Variants in SV2C observed in about 807,000 individuals in gnomAD.
SV2C encodes the protein solute carrier family 22 member B3.
In SV2C, 49 loss-of-function variants were observed where a neutral mutation model predicts 79.7. That is an observed-to-expected ratio of 0.61 (90% CI 0.49 to 0.78). The LOEUF is 0.78. Among genes scored for constraint, SV2C ranks in the 30% least tolerant of loss-of-function variants. The pLI, the probability that SV2C is intolerant of heterozygous loss-of-function variation, is 0.00. For missense variants in SV2C, 833 were observed against 912.9 expected (o/e 0.91, Z 1.13); for synonymous variants, 334 against 333.2 (o/e 1.00, Z -0.03).
chr5:76,030,481 G>C, the SV2C span, among the ~76,000 whole-genome samples: 1 of 151,892 alleles, frequency 6.6e-6, no homozygotes, highest in East Asian at 1.9e-4. Context: ...TGCCATCTGG[G>C]AACTATTACC....
At chr5:75,876,951 T>C in the SV2C span, among the ~76,000 whole-genome samples, 1 of 152,024 alleles carries the variant, frequency 6.6e-6, no homozygotes, top group Non-Finnish European at 1.5e-5. Flanking sequence ...TCTATATCAA[T>C]AACAACATTA....
the SV2C span, chr5:75,921,367 G>A: frequency 5.5e-6 from 5 of 917,388 alleles, no homozygotes; most frequent in Non-Finnish European, 5.5e-6. Context: ...CCTTTGGGGG[G>A]TGCTGGTAGG....
chr5:75,883,352 A>C, the SV2C span, among the ~76,000 whole-genome samples: 1 of 145,176 alleles, frequency 6.9e-6, no homozygotes, highest in Admixed American at 6.8e-5. Flanking sequence ...TATATACCCA[A>C]AGGACTATAA....
intron 4 of SV2C, among the ~76,000 whole-genome samples, chr5:76,279,317 G>T (rs1289568209): frequency 1.3e-5 from 2 of 152,196 alleles, no homozygotes; most frequent in African/African-American, 4.8e-5. Context: ...TGGCATGCAG[G>T]TGGCACTTAC....
In SV2C at chr5:76,131,262, G is replaced by A. The variant is rs139861657; in HGVS notation, c.-101-388G>A. On this transcript the variant is annotated intron_variant, in intron 1 of 12. Transcript: ENST00000502798. Reference sequence around the variant, plus strand: ...TGGTTTGTCTTTGCAATATTTGTACGTGTCTGTGAGCAATACTATTTTTCT... The same window carrying A: ...TGGTTTGTCTTTGCAATATTTGTACATGTCTGTGAGCAATACTATTTTTCT... Among the ~76,000 whole-genome samples the A allele has an allele frequency of 2.1e-3, 323 of 152,258 alleles. 2 individuals are homozygous for A. The highest frequency in any genetic ancestry group is 7.2e-3 in the African/African-American group (300 of 41,558).
downstream of SV2C, among the ~76,000 whole-genome samples, chr5:76,336,093 C>T (rs1263576362): frequency 1.5e-5 from 1 of 64,576 alleles, no homozygotes. Flanking sequence ...GCTGGCCGGG[C>T]GGGGGTCTGA....
chr5:76,253,405 T>G (rs977159296), intron 4 of SV2C, among the ~76,000 whole-genome samples: 2 of 152,162 alleles, frequency 1.3e-5, no homozygotes, highest in African/African-American at 4.8e-5. Context: ...GAAAATCTCC[T>G]TTGGATCAAA....
intron 4 of SV2C, among the ~76,000 whole-genome samples, chr5:76,261,438 T>C (rs891628430): frequency 5.9e-5 from 9 of 152,204 alleles, no homozygotes; most frequent in African/African-American, 2.2e-4. Flanking sequence ...CTTTATTTAT[T>C]TCTCTTGCCC....
At position 76,332,379 on chromosome 5, in the gene SV2C, G is replaced by C. The variant is rs1218101700; in HGVS notation, c.*6832G>C. ...GTCATCTAAAGCTAGTGATGAGCTG[G>C]AATAGCTTTGAACCGGTTCATCCGA... is the stretch of plus-strand genomic sequence containing the variant. On this transcript the variant is annotated 3_prime_UTR_variant, in exon 13 of 13. Coordinates refer to ENST00000502798, the MANE Select transcript of SV2C (RefSeq NM_014979.4). 6.6e-6 allele frequency: 1 copy of C among 152,150 alleles called. No homozygotes were observed. Among genetic ancestry groups the C allele is most frequent in the Non-Finnish European group, 1.5e-5 (1 of 68,024 alleles). The allele number at this position is 152,150 out of a possible 1,614,324, so 9.4% of individuals were successfully genotyped here.
At chr5:76,067,799 C>G in the SV2C span, among the ~76,000 whole-genome samples, 4 of 151,942 alleles carry the variant, frequency 2.6e-5, no homozygotes, top group Admixed American at 6.6e-5. Flanking sequence ...GTGGTTGTCA[C>G]AATTTTCTTG....
At chr5:75,994,667 C>G in the SV2C span, among the ~76,000 whole-genome samples, 1 of 152,016 alleles carries the variant, frequency 6.6e-6, no homozygotes. Context: ...CTATCTTTCT[C>G]CAGAAAGGAT....
the SV2C span, among the ~76,000 whole-genome samples, chr5:75,912,417 T>C: frequency 9.2e-5 from 14 of 152,088 alleles, no homozygotes; most frequent in East Asian, 1.9e-4. Context: ...GACTTGAGCC[T>C]GGGAGGTCAA....
chr5:76,319,981 T>G (rs1274783454), intron 12 of SV2C, among the ~76,000 whole-genome samples: 2 of 152,120 alleles, frequency 1.3e-5, no homozygotes, highest in Non-Finnish European at 2.9e-5. Context: ...ATCTGGTCAT[T>G]TATGACACTA....
At chr5:75,848,774 T>C in the SV2C span, among the ~76,000 whole-genome samples, 6 of 152,094 alleles carry the variant, frequency 3.9e-5, no homozygotes, top group Non-Finnish European at 8.8e-5. Flanking sequence ...TATGGGACAG[T>C]CTGGTGATAG....
chr5:75,960,229 A>G, the SV2C span, among the ~76,000 whole-genome samples: 1 of 151,892 alleles, frequency 6.6e-6, no homozygotes, highest in African/African-American at 2.4e-5. Context: ...TTGCAACTCT[A>G]TTAATGTAAT....
At chr5:75,892,605 C>T in the SV2C span, among the ~76,000 whole-genome samples, 6 of 151,968 alleles carry the variant, frequency 3.9e-5, no homozygotes, top group African/African-American at 1.2e-4. Flanking sequence ...CCTCTGTAGT[C>T]CCCAGTGTCT....
the SV2C span, among the ~76,000 whole-genome samples, chr5:76,003,033 T>C: frequency 1.3e-5 from 2 of 152,070 alleles, no homozygotes; most frequent in Non-Finnish European, 2.9e-5. Flanking sequence ...CCCATGCTGT[T>C]CTCGTGATAG....
At chr5:76,100,757 T>C (rs1747715429) in intron 1 of SV2C, among the ~76,000 whole-genome samples, 1 of 152,224 alleles carries the variant, frequency 6.6e-6, no homozygotes, top group African/African-American at 2.4e-5. Flanking sequence ...GGCAACAGTC[T>C]GGTGTTTGCT....
At chr5:75,965,059 G>T in the SV2C span, among the ~76,000 whole-genome samples, 1 of 152,138 alleles carries the variant, frequency 6.6e-6, no homozygotes, top group Non-Finnish European at 1.5e-5. Flanking sequence ...TAGTATTAGG[G>T]CATGTACATG....
Sources: allele counts gnomAD v4.1 joint callset (sites outside exome capture counted in the v4.1 genomes callset), GRCh38; gene constraint gnomAD v4.1.1; transcripts MANE v1.5; gene names NCBI Gene and HGNC (gene_info 2026-07-23, HGNC 2026-07-21).